TRMT11: variants seen among roughly 807,000 people sequenced by gnomAD.
TRMT11 encodes the protein tRNA (guanine(10)-N(2))-methyltransferase TRMT11.
In TRMT11, 53 loss-of-function variants were observed where a neutral mutation model predicts 62.8. That is an observed-to-expected ratio of 0.84 (90% CI 0.68 to 1.06). The LOEUF is 1.06. Among genes scored for constraint, TRMT11 ranks in the 50% least tolerant of loss-of-function variants. TRMT11 has a pLI of 0.00. For synonymous variants in TRMT11, 188 were observed against 190.3 expected (o/e 0.99, Z 0.10); for missense variants, 556 against 553.4 (o/e 1.00, Z -0.05).
intron 17 of TRMT11, among the ~76,000 whole-genome samples, chr6:126,060,259 G>A (rs1463792707): frequency 6.6e-6 from 1 of 152,178 alleles, no homozygotes; most frequent in Non-Finnish European, 1.5e-5. Context: ...CAGAATTTTA[G>A]GTCAAGAACT....
the TRMT11 span, among the ~76,000 whole-genome samples, chr6:126,212,763 G>T: frequency 6.6e-6 from 1 of 152,098 alleles, no homozygotes; most frequent in Admixed American, 6.6e-5. Context: ...CTTTTGCTGT[G>T]CACAGGCTTT....
At chr6:126,257,825 C>T in the TRMT11 span, 16 of 911,696 alleles carry the variant, frequency 1.8e-5, no homozygotes, top group Middle Eastern at 6.7e-4. Context: ...GCTCATGGCA[C>T]TGAGCCTGGC....
At chr6:126,099,855 T>C (rs982931934) in intron 17 of TRMT11, among the ~76,000 whole-genome samples, 12 of 152,224 alleles carry the variant, frequency 7.9e-5, no homozygotes, top group Non-Finnish European at 1.8e-4. Context: ...GAGTTGATTT[T>C]TGAAACTGGA....
intron 1 of TRMT11, among the ~76,000 whole-genome samples, chr6:126,192,221 CT>C (rs1258507918): frequency 7.9e-5 from 12 of 152,056 alleles, no homozygotes; most frequent in Admixed American, 1.3e-4. Context: ...AATGAGATTG[CT>C]TTCTTAATTT....
intron 1 of TRMT11, among the ~76,000 whole-genome samples, chr6:126,181,080 A>G (rs1778460798): frequency 6.6e-6 from 1 of 152,202 alleles, no homozygotes; most frequent in South Asian, 2.1e-4. Context: ...TTTTAAAGGA[A>G]TATTTTAGTG....
At chr6:126,038,119 T>C (rs918168858) in intron 12 of TRMT11, among the ~76,000 whole-genome samples, 3 of 152,060 alleles carry the variant, frequency 2.0e-5, no homozygotes, top group African/African-American at 7.2e-5. Flanking sequence ...CAGTAGTCCT[T>C]ACTTGTCTGT....
At chr6:126,109,507 GCACCTCATGC>G (rs1304020195) in intron 17 of TRMT11, among the ~76,000 whole-genome samples, 1 of 152,178 alleles carries the variant, frequency 6.6e-6, no homozygotes, top group Admixed American at 6.6e-5. Flanking sequence ...ATACCAGGAT[GCACCTCATGC>G]TAATTTGTCC....
chr6:125,997,994 T>C (rs375850419), intron 3 of TRMT11, 59 bp from the exon 4 acceptor site: 39 of 1,163,298 alleles, frequency 3.4e-5, no homozygotes, highest in Admixed American at 1.7e-5. Context: ...AATGACTGTA[T>C]GTATTCCTGT....
chr6:126,187,727 C>T (rs1024613599), intron 1 of TRMT11, among the ~76,000 whole-genome samples: 4 of 151,800 alleles, frequency 2.6e-5, no homozygotes, highest in Non-Finnish European at 4.4e-5. Flanking sequence ...ATTTATTTTA[C>T]AGCTATAATA....
chr6:126,126,445 T>C (rs953623705), intron 21 of TRMT11, among the ~76,000 whole-genome samples: 2 of 152,152 alleles, frequency 1.3e-5, no homozygotes, highest in Non-Finnish European at 2.9e-5. Flanking sequence ...AAATCCATAA[T>C]TTATTTGATT....
intron 17 of TRMT11, among the ~76,000 whole-genome samples, chr6:126,076,241 C>G (rs1432739253): frequency 2.0e-5 from 3 of 152,170 alleles, no homozygotes; most frequent in Admixed American, 6.5e-5. Flanking sequence ...CTCTTATAGT[C>G]TGGCTTGACT....
chr6:126,116,837 A>G (rs1407626758), intron 21 of TRMT11, among the ~76,000 whole-genome samples: 2 of 152,092 alleles, frequency 1.3e-5, no homozygotes, highest in Non-Finnish European at 2.9e-5. Flanking sequence ...TTGGATGTTC[A>G]TGAGGGAGAT....
chr6:126,062,429 A>G (rs553819895), intron 17 of TRMT11, among the ~76,000 whole-genome samples: 2 of 152,216 alleles, frequency 1.3e-5, no homozygotes, highest in Non-Finnish European at 2.9e-5. Context: ...ATATGTATAT[A>G]TCTGTGAAAA....
intron 21 of TRMT11, among the ~76,000 whole-genome samples, chr6:126,132,169 GTTAGAAT>G (rs1349561681): frequency 6.6e-6 from 1 of 152,024 alleles, no homozygotes; most frequent in African/African-American, 2.4e-5. Flanking sequence ...CTCCAAACAT[GTTAGAAT>G]TAAACCTCAT....
At chr6:126,194,416 C>T (rs921918443) in intron 1 of TRMT11, among the ~76,000 whole-genome samples, 4 of 152,164 alleles carry the variant, frequency 2.6e-5, no homozygotes, top group Non-Finnish European at 5.9e-5. Context: ...ATTTATATGA[C>T]AATTATTTCT....
intron 21 of TRMT11, among the ~76,000 whole-genome samples, chr6:126,127,977 C>T (rs1777738038): frequency 6.6e-6 from 1 of 152,006 alleles, no homozygotes; most frequent in South Asian, 2.1e-4. Context: ...GATTCCTGCA[C>T]ATTTTAAAAA....
intron 3 of TRMT11, 141 bp downstream of exon 3, chr6:125,996,181 G>C: frequency 1.8e-6 from 1 of 564,904 alleles, no homozygotes; most frequent in Non-Finnish European, 3.1e-6. Context: ...GGCGGTGGGG[G>C]ACCAGAGGAG....
rs180816648 is a variant in TRMT11, at chr6:126,138,838, G to C, written c.*1823+22983G>C. Among the ~76,000 whole-genome samples the C allele has an allele frequency of 4.6e-5, 7 of 152,014 alleles. No homozygotes were observed. In the East Asian group the frequency reaches 1.4e-3, roughly 29 times the overall value. Reference sequence around the variant, plus strand: ...TTTCATTGACCCAAATTAATGGACTGTTTATTTTTTTATACTGTAATGCTA... The same window carrying C: ...TTTCATTGACCCAAATTAATGGACTCTTTATTTTTTTATACTGTAATGCTA... On this transcript the variant is annotated intron_variant and NMD_transcript_variant, in intron 21 of 22. Coordinates refer to the TRMT11 transcript ENST00000648977.
At chr6:126,246,190 T>C in the TRMT11 span, among the ~76,000 whole-genome samples, 7 of 151,972 alleles carry the variant, frequency 4.6e-5, no homozygotes, top group Non-Finnish European at 7.4e-5. Flanking sequence ...GAGGCTGCAG[T>C]GGGTGATGGA....
Sources: allele counts gnomAD v4.1 joint callset (sites outside exome capture counted in the v4.1 genomes callset), GRCh38; gene constraint gnomAD v4.1.1; transcripts MANE v1.5; gene names NCBI Gene and HGNC (gene_info 2026-07-23, HGNC 2026-07-21).